PTPRJ: variants seen among roughly 807,000 people sequenced by gnomAD.
The protein encoded by PTPRJ is protein tyrosine phosphatase receptor type J.
A neutral mutation model predicts 141.3 loss-of-function variants in PTPRJ; 129 were observed. The ratio of observed to expected loss-of-function variants is 0.91; its 90% CI spans 0.79 to 1.06. The LOEUF is 1.06. Ranked by LOEUF, PTPRJ falls within the 50% of genes least tolerant of loss-of-function variation. The pLI is 0.00. For synonymous variants in PTPRJ, 610 were observed against 640.5 expected (o/e 0.95, Z 0.72); for missense variants, 1,601 against 1,679.7 (o/e 0.95, Z 0.82).
At chr11:47,993,422 A>G (rs983449728) in intron 1 of PTPRJ, among the ~76,000 whole-genome samples, 12 of 151,992 alleles carry the variant, frequency 7.9e-5, no homozygotes, top group African/African-American at 2.7e-4. Context: ...CCTCCTGAGA[A>G]GCTGGGATTA....
intron 3 of PTPRJ, among the ~76,000 whole-genome samples, chr11:48,118,036 T>C (rs1856612368): frequency 6.6e-6 from 1 of 152,220 alleles, no homozygotes; most frequent in Admixed American, 6.5e-5. Flanking sequence ...AATCCAATAA[T>C]GAGTTAGGAG....
chr11:48,033,626 T>G (rs965970326), intron 1 of PTPRJ, among the ~76,000 whole-genome samples: 2 of 152,032 alleles, frequency 1.3e-5, no homozygotes, highest in African/African-American at 4.8e-5. Context: ...ACTGTGTGGG[T>G]GTGGAAATCC....
chr11:48,131,673 G>T, intron 8 of PTPRJ: 1 of 558,664 alleles, frequency 1.8e-6, no homozygotes, highest in Non-Finnish European at 3.2e-6. Context: ...CTACTTTGGT[G>T]CTAGAATTGA....
At chr11:48,065,158 G>C (rs1231617193) in intron 1 of PTPRJ, among the ~76,000 whole-genome samples, 1 of 151,612 alleles carries the variant, frequency 6.6e-6, no homozygotes, top group Non-Finnish European at 1.5e-5. Context: ...GGGACTACAG[G>C]CATGCACCAC....
intron 1 of PTPRJ, among the ~76,000 whole-genome samples, chr11:48,065,894 A>G (rs1480127212): frequency 1.3e-5 from 2 of 152,264 alleles, no homozygotes; most frequent in African/African-American, 4.8e-5. Context: ...GTGTTTAACC[A>G]CTATACCATG....
intron 1 of PTPRJ, among the ~76,000 whole-genome samples, chr11:48,105,764 G>C (rs936339623): frequency 6.6e-6 from 1 of 152,120 alleles, no homozygotes; most frequent in Admixed American, 6.5e-5. Context: ...GACTCTGCCC[G>C]CCTGTCTCTA....
intron 1 of PTPRJ, among the ~76,000 whole-genome samples, chr11:48,036,810 T>G (rs1391063479): frequency 6.6e-6 from 1 of 152,196 alleles, no homozygotes; most frequent in Admixed American, 6.5e-5. Context: ...ATTCTAGAAC[T>G]CTCCCAGAGA....
intron 1 of PTPRJ, among the ~76,000 whole-genome samples, chr11:48,048,073 A>G (rs1389840575): frequency 6.6e-6 from 1 of 151,998 alleles, no homozygotes; most frequent in African/African-American, 2.4e-5. Context: ...TATTAAAAGG[A>G]TATGTTGGAG....
At chr11:48,104,637 G>C (rs1158557223) in intron 1 of PTPRJ, among the ~76,000 whole-genome samples, 1 of 152,198 alleles carries the variant, frequency 6.6e-6, no homozygotes, top group Non-Finnish European at 1.5e-5. Flanking sequence ...TGAAATCCAA[G>C]CTGCCCTGTG....
In PTPRJ at chr11:48,156,901, T is replaced by C. The variant is rs115950984; in HGVS notation, c.3438+782T>C. Among the ~76,000 whole-genome samples, 1,063 of 151,996 alleles carry C rather than the reference T, an allele frequency of 7.0e-3. 15 individuals carry two copies. Among genetic ancestry groups the C allele is most frequent in the African/African-American group, 0.025 (1,023 of 41,432 alleles). On this transcript the variant is annotated intron_variant, in intron 21 of 24. Transcript: ENST00000418331. ...CACACCTGGCCTGGAACCATTTCTT[T>C]AAGCAAAATCTCAGACTTATCCCTG...
In PTPRJ at chr11:48,144,881, T is replaced by C. The variant is rs774809131; in HGVS notation, c.2782T>C (p.Tyr928His). ...YNGKLEPLGSYRACVAGFTNI... is the reference protein window; with the variant it reads ...YNGKLEPLGSHRACVAGFTNI... ...TGGGAAGCTGGAACCTCTGGGCTCC[T>C]ACCGGTAATGTCTTCTGGTTCTTAC... Residue 928 changes from tyrosine to histidine, a missense_variant, in exon 13 of 25, where the codon TAC (tyrosine) becomes CAC (histidine). By Grantham distance (83) the Tyr-to-His change is moderately conservative. Transcript: ENST00000418331. 1.2e-6 allele frequency: 2 copies of C among 1,614,184 alleles called. No homozygotes were observed. Among genetic ancestry groups the C allele is most frequent in the Non-Finnish European group, 1.7e-6 (2 of 1,179,988 alleles).
At chr11:48,038,502 T>A (rs1488182315) in intron 1 of PTPRJ, among the ~76,000 whole-genome samples, 1 of 152,028 alleles carries the variant, frequency 6.6e-6, no homozygotes, top group Non-Finnish European at 1.5e-5. Context: ...AGCCATTCTT[T>A]TTTTTTTGAG....
chr11:48,116,488 C>T (rs1856569464), intron 3 of PTPRJ, among the ~76,000 whole-genome samples: 1 of 152,182 alleles, frequency 6.6e-6, no homozygotes, highest in African/African-American at 2.4e-5. Flanking sequence ...AGGACTTCCA[C>T]CACCTTACTT....
intron 1 of PTPRJ, among the ~76,000 whole-genome samples, chr11:48,078,795 G>GT (rs55980751): frequency 0.059 from 5,628 of 95,790 alleles, 107 homozygotes; most frequent in Middle Eastern, 0.096. Context: ...TCTGTAAATA[G>GT]TTTTTTTTTT....
intron 1 of PTPRJ, among the ~76,000 whole-genome samples, chr11:48,087,291 G>C (rs765388460): frequency 1.3e-5 from 2 of 152,232 alleles, no homozygotes; most frequent in Non-Finnish European, 2.9e-5. Context: ...AAAGGATAAA[G>C]TGCTGAGATT....
chr11:48,003,028 C>T (rs545041725), intron 1 of PTPRJ, among the ~76,000 whole-genome samples: 209 of 152,126 alleles, frequency 1.4e-3, no homozygotes, highest in Middle Eastern at 0.01. Context: ...CAATGTATTC[C>T]AAGTGGCTTC....
intron 1 of PTPRJ, among the ~76,000 whole-genome samples, chr11:48,036,935 C>T (rs1854140889): frequency 6.6e-6 from 1 of 152,196 alleles, no homozygotes; most frequent in South Asian, 2.1e-4. Context: ...CAGTGGTTAA[C>T]CATTCCCTGG....
chr11:48,042,268 A>G (rs947641877), intron 1 of PTPRJ, among the ~76,000 whole-genome samples: 31 of 152,136 alleles, frequency 2.0e-4, no homozygotes, highest in Non-Finnish European at 4.6e-4. Flanking sequence ...AACATGACTG[A>G]TGAGGCTCTG....
intron 3 of PTPRJ, among the ~76,000 whole-genome samples, chr11:48,119,012 T>C: frequency 1.0e-5 from 1 of 98,704 alleles, no homozygotes; most frequent in Non-Finnish European, 2.0e-5. Context: ...GAGCAAGACT[T>C]CGTCTCAAAA....
Sources: gnomAD v4.1 joint callset for allele counts (sites outside exome capture counted in the v4.1 genomes callset) on GRCh38, gnomAD v4.1.1 for gene constraint, MANE v1.5 for transcripts, NCBI Gene and HGNC (gene_info 2026-07-23, HGNC 2026-07-21) for gene names.